The following CAMKMT variants were observed in gnomAD, a reference collection of about 807,000 sequenced individuals.
The protein encoded by CAMKMT is CaM KMT.
CAMKMT carries 53 observed loss-of-function variants against 48.0 expected under a neutral mutation model. That is an observed-to-expected ratio of 1.10 (90% CI 0.89 to 1.39). The LOEUF (loss-of-function observed/expected upper bound fraction) is 1.39, where lower values mean the gene tolerates loss of function less well. Among genes scored for constraint, CAMKMT ranks in the 40% most tolerant of loss-of-function variants. The probability of loss-of-function intolerance (pLI) is 0.00; values close to 1 mark genes in which losing one functional copy is unlikely to be tolerated. For missense variants in CAMKMT, 428 were observed against 402.7 expected, an observed-to-expected ratio of 1.06 and a Z score of -0.54; for synonymous variants, 165 against 152.3, an observed-to-expected ratio of 1.08 and a Z score of -0.61.
chr2:44,767,753 G>C lies in CAMKMT; in HGVS notation c.894+1192G>C, dbSNP rs538754913. 9.9e-5 allele frequency among the ~76,000 whole-genome samples: 15 copies of C among 152,066 alleles called. No individual in the cohort carries two copies. The South Asian group carries it at 3.1e-3, about 32-fold the overall frequency. On this transcript the variant is annotated intron_variant, in intron 10 of 10. Transcript: ENST00000378494. ...TCAATCCCTCCCCCTAAAAAAAAGC[G>C]GGTCTTTACCTGGTAGGAAAAGGGT... is the stretch of plus-strand genomic sequence containing the variant.
intron 3 of CAMKMT, among the ~76,000 whole-genome samples, chr2:44,390,794 C>A (rs982490131): frequency 6.6e-5 from 10 of 152,036 alleles, no homozygotes; most frequent in Admixed American, 6.6e-4. Context: ...TTGTTTGATG[C>A]AGTATTACAA....
intron 3 of CAMKMT, among the ~76,000 whole-genome samples, chr2:44,424,460 G>A (rs1034254083): frequency 6.6e-6 from 1 of 152,014 alleles, no homozygotes; most frequent in Non-Finnish European, 1.5e-5. Flanking sequence ...TCAGTGATGG[G>A]GGCTAGCAGA....
chr2:44,581,081 G>A (rs979108635), intron 3 of CAMKMT, among the ~76,000 whole-genome samples: 5 of 152,014 alleles, frequency 3.3e-5, no homozygotes, highest in Non-Finnish European at 7.4e-5. Flanking sequence ...GGTTGTGGTT[G>A]ACTACACAAA....
At chr2:44,403,868 C>G (rs570950815) in intron 3 of CAMKMT, among the ~76,000 whole-genome samples, 3 of 152,286 alleles carry the variant, frequency 2.0e-5, no homozygotes, top group African/African-American at 7.2e-5. Context: ...AGATAAATCA[C>G]CAAGGCTTTG....
chr2:44,512,265 G>C (rs993373585), intron 3 of CAMKMT, among the ~76,000 whole-genome samples: 1 of 152,138 alleles, frequency 6.6e-6, no homozygotes, highest in African/African-American at 2.4e-5. Flanking sequence ...TTTGACTTTG[G>C]ACAAATAAGT....
At chr2:44,592,480 G>A (rs1246545737) in intron 3 of CAMKMT, among the ~76,000 whole-genome samples, 1 of 151,846 alleles carries the variant, frequency 6.6e-6, no homozygotes, top group Admixed American at 6.6e-5. Flanking sequence ...AGCTGTCTTG[G>A]TTATCAGATT....
At chr2:44,500,362 C>G (rs1327749617) in intron 3 of CAMKMT, among the ~76,000 whole-genome samples, 1 of 152,076 alleles carries the variant, frequency 6.6e-6, no homozygotes, top group African/African-American at 2.4e-5. Flanking sequence ...GAAGTATGAA[C>G]TATCAGACTT....
chr2:44,649,307 C>G (rs1673927807), intron 3 of CAMKMT, among the ~76,000 whole-genome samples: 1 of 152,052 alleles, frequency 6.6e-6, no homozygotes, highest in South Asian at 2.1e-4. Flanking sequence ...CTACTGAGTT[C>G]CAGGTTCAGT....
At chr2:44,476,887 C>T (rs190367335) in intron 3 of CAMKMT, among the ~76,000 whole-genome samples, 158 of 152,196 alleles carry the variant, frequency 1.0e-3, no homozygotes, top group Non-Finnish European at 1.9e-3. Context: ...GAATAAAAAG[C>T]ACCTAGTACA....
intron 3 of CAMKMT, among the ~76,000 whole-genome samples, chr2:44,587,505 A>G (rs994312750): frequency 9.8e-6 from 1 of 102,076 alleles, no homozygotes; most frequent in Non-Finnish European, 1.8e-5. Flanking sequence ...GTCTCCTTCC[A>G]CGGTCTCCCT....
intron 3 of CAMKMT, among the ~76,000 whole-genome samples, chr2:44,646,544 G>T (rs1189008481): frequency 6.6e-6 from 1 of 152,122 alleles, no homozygotes; most frequent in Non-Finnish European, 1.5e-5. Flanking sequence ...CTGCCTAGAT[G>T]TGCGAAGTCC....
chr2:44,688,123 A>C (rs1676443385), intron 3 of CAMKMT, among the ~76,000 whole-genome samples: 1 of 152,152 alleles, frequency 6.6e-6, no homozygotes, highest in South Asian at 2.1e-4. Context: ...GGCTTTTCCC[A>C]GTGTTGTTTA....
rs149692237 is a variant in CAMKMT, at chr2:44,392,226, C to T, written c.376+1921C>T. 3.4e-3 allele frequency among the ~76,000 whole-genome samples: 520 copies of T among 152,170 alleles called. 2 individuals carry two copies. Among genetic ancestry groups the T allele is most frequent in the African/African-American group, 0.012 (483 of 41,548 alleles). ...AAAATAGCTGTTTATTAAAATGCCT[C>T]ATTATAAATGTTGCCTTAAAAACCT... On this transcript the variant is annotated intron_variant, in intron 3 of 10. Transcript: ENST00000378494.
intron 3 of CAMKMT, among the ~76,000 whole-genome samples, chr2:44,519,765 A>C (rs1671007467): frequency 6.6e-6 from 1 of 152,194 alleles, no homozygotes; most frequent in Non-Finnish European, 1.5e-5. Flanking sequence ...ATTTGGTCCC[A>C]ACAACCCAGT....
At chr2:44,368,337 A>G (rs879213628) in intron 1 of CAMKMT, among the ~76,000 whole-genome samples, 2 of 152,218 alleles carry the variant, frequency 1.3e-5, no homozygotes, top group Admixed American at 1.3e-4. Context: ...TTAAACTACC[A>G]ATATTATTGA....
intron 7 of CAMKMT, among the ~76,000 whole-genome samples, chr2:44,722,336 C>CT (rs781442641): frequency 1.3e-5 from 2 of 152,008 alleles, no homozygotes; most frequent in East Asian, 3.8e-4. Context: ...GGCTGAACCA[C>CT]TTTAAGTTTT....
At chr2:44,702,822 C>A (rs936545222) in intron 3 of CAMKMT, among the ~76,000 whole-genome samples, 1 of 152,194 alleles carries the variant, frequency 6.6e-6, no homozygotes, top group African/African-American at 2.4e-5. Flanking sequence ...GGAGACACCT[C>A]TTTGCTGTTT....
In CAMKMT at chr2:44,372,860, T is replaced by C. The variant is rs914780541; in HGVS notation, c.283T>C (p.Phe95Leu). The change falls in exon 2 of 11, where the codon TTC becomes CTC. Residue 95 changes from phenylalanine (F) to leucine (L), a missense_variant. Physicochemically the swap from Phe to Leu is conservative, Grantham distance 22. Transcript: ENST00000378494. ...VGAWVQYTSIFCPEYSISLRH... is the reference protein window; with the variant it reads ...VGAWVQYTSILCPEYSISLRH... ...TGCATGGGTCCAATATACAAGCATC[T>C]TCTGTCCTGAATACAGTATCTCCTT... The C allele has an allele frequency of 2.5e-5, 41 of 1,613,720 alleles. No homozygotes were observed. The highest frequency in any genetic ancestry group is 3.4e-5 in the Non-Finnish European group (40 of 1,179,870).
chr2:44,514,924 TG>T (rs1670760731), intron 3 of CAMKMT, among the ~76,000 whole-genome samples: 1 of 152,194 alleles, frequency 6.6e-6, no homozygotes, highest in East Asian at 1.9e-4. Context: ...ACTTATGGGA[TG>T]GGACAGATGA....
Sources: allele counts gnomAD v4.1 joint callset (sites outside exome capture counted in the v4.1 genomes callset), GRCh38; gene constraint gnomAD v4.1.1; transcripts MANE v1.5; gene names NCBI Gene and HGNC (gene_info 2026-07-23, HGNC 2026-07-21).